Variants in ANK2 observed in about 807,000 individuals in gnomAD.
The protein encoded by ANK2 is ankyrin 2.
In ANK2, 83 loss-of-function variants were observed where a neutral mutation model predicts 360.5. The ratio of observed to expected loss-of-function variants is 0.23; its 90% confidence interval spans 0.19 to 0.28. ANK2 has a LOEUF of 0.28. ANK2 is among the 10% of genes least tolerant of loss of function. The pLI is 1.00. For synonymous variants in ANK2, 1,740 were observed against 1,759.5 expected (o/e 0.99, Z 0.28); for missense variants, 4,201 against 4,795.7 (o/e 0.88, Z 3.66).
intron 41 of ANK2, among the ~76,000 whole-genome samples, chr4:113,367,363 C>G (rs547285006): frequency 2.0e-5 from 3 of 152,024 alleles, no homozygotes; most frequent in Non-Finnish European, 4.4e-5. Flanking sequence ...TGGAATTGAC[C>G]GTTACTTGCG....
the ANK2 span, among the ~76,000 whole-genome samples, chr4:112,714,905 C>T: frequency 6.6e-6 from 1 of 152,298 alleles, no homozygotes; most frequent in Non-Finnish European, 1.5e-5. Flanking sequence ...TAGCTTTTAT[C>T]ACAAGGATAT....
At chr4:112,720,892 A>G in the ANK2 span, among the ~76,000 whole-genome samples, 7 of 152,352 alleles carry the variant, frequency 4.6e-5, no homozygotes, top group Admixed American at 1.3e-4. Flanking sequence ...GAGGACCATC[A>G]AGGGAATAAT....
intron 2 of ANK2, among the ~76,000 whole-genome samples, chr4:113,191,902 C>A (rs77611046): frequency 3.9e-5 from 6 of 152,160 alleles, no homozygotes; most frequent in Admixed American, 1.3e-4. Flanking sequence ...GCCACCGTCC[C>A]TCTCAGAACC....
intron 2 of ANK2, among the ~76,000 whole-genome samples, chr4:112,994,071 T>A (rs1361643513): frequency 6.6e-6 from 1 of 152,226 alleles, no homozygotes; most frequent in Non-Finnish European, 1.5e-5. Flanking sequence ...GTCTGGAACA[T>A]CTCACGTATT....
At chr4:113,361,050 C>G (rs1345291795) in intron 39 of ANK2, among the ~76,000 whole-genome samples, 153 bp downstream of exon 39, 3 of 152,174 alleles carry the variant, frequency 2.0e-5, no homozygotes. Flanking sequence ...GGCTCTGCAT[C>G]AGCTAATGGT....
At chr4:112,722,074 C>T in the ANK2 span, among the ~76,000 whole-genome samples, 2 of 152,172 alleles carry the variant, frequency 1.3e-5, no homozygotes, top group Non-Finnish European at 2.9e-5. Flanking sequence ...TTTGACTCTG[C>T]AGTCACATTA....
At chr4:113,146,704 A>AATATTTGGATTTTC (rs1414460415) in intron 1 of ANK2, among the ~76,000 whole-genome samples, 1 of 152,042 alleles carries the variant, frequency 6.6e-6, no homozygotes, top group Non-Finnish European at 1.5e-5. Context: ...GAATCTCTGA[A>AATATTTGGATTTTC]ATATTTGGAT....
chr4:113,137,286 A>T (rs934910690), intron 1 of ANK2, among the ~76,000 whole-genome samples: 2 of 152,242 alleles, frequency 1.3e-5, no homozygotes, highest in African/African-American at 4.8e-5. Flanking sequence ...ACAGTAATTC[A>T]GTCAAGAAAT....
intron 1 of ANK2, among the ~76,000 whole-genome samples, chr4:112,824,012 C>A (rs545776005): frequency 6.6e-6 from 1 of 152,098 alleles, no homozygotes; most frequent in African/African-American, 2.4e-5. Flanking sequence ...TTGATTAATG[C>A]CGATTTTTTT....
At chr4:113,329,779 G>A (rs532057839) in intron 26 of ANK2, among the ~76,000 whole-genome samples, 18 of 152,302 alleles carry the variant, frequency 1.2e-4, no homozygotes, top group African/African-American at 4.3e-4. Flanking sequence ...GATGATGTTG[G>A]AACAGGATGC....
intron 4 of ANK2, among the ~76,000 whole-genome samples, chr4:113,218,931 T>A (rs362486): frequency 6.6e-6 from 1 of 152,132 alleles, no homozygotes; most frequent in Non-Finnish European, 1.5e-5. Context: ...AATAATTACT[T>A]CAGGTTAATG....
chr4:112,827,032 A>T, intron 1 of ANK2: 1 of 1,382,458 alleles, frequency 7.2e-7, no homozygotes, highest in Non-Finnish European at 1.0e-6. Context: ...GGTAAAAAGC[A>T]TGACATTACA....
In ANK2 at chr4:113,341,917, G is replaced by A; in HGVS notation, c.4122+1G>A. On this transcript the variant is annotated splice_donor_variant, in intron 33 of 45. Coordinates refer to ENST00000357077, the MANE Select transcript of ANK2 (RefSeq NM_001148.6). LOFTEE classifies it high-confidence loss of function. ...GGTGGCCAGAAGCAGGGATGTGGAGGTACTGTACCAAAAATAATAATAATA... is the reference window on the plus strand; with the variant it reads ...GGTGGCCAGAAGCAGGGATGTGGAGATACTGTACCAAAAATAATAATAATA... 1 of 1,598,652 alleles carries A rather than the reference G, an allele frequency of 6.3e-7. No homozygotes were observed.
At chr4:112,900,787 C>T (rs1290209788) in intron 1 of ANK2, among the ~76,000 whole-genome samples, 2 of 152,166 alleles carry the variant, frequency 1.3e-5, no homozygotes, top group Non-Finnish European at 2.9e-5. Context: ...CTCCACCAAG[C>T]CCTTTAATGC....
At chr4:113,211,367 T>C (rs2099019055) in intron 4 of ANK2, among the ~76,000 whole-genome samples, 1 of 152,204 alleles carries the variant, frequency 6.6e-6, no homozygotes, top group Admixed American at 6.5e-5. Context: ...TGATTAATAA[T>C]CAAACAGCTT....
intron 14 of ANK2, among the ~76,000 whole-genome samples, chr4:113,270,094 T>G (rs1026894917): frequency 2.0e-5 from 3 of 152,248 alleles, no homozygotes; most frequent in Non-Finnish European, 2.9e-5. Flanking sequence ...CATTCAGCTA[T>G]TTGAAAAATA....
At chr4:112,869,528 C>G (rs1246393120) in intron 1 of ANK2, among the ~76,000 whole-genome samples, 1 of 152,188 alleles carries the variant, frequency 6.6e-6, no homozygotes, top group Non-Finnish European at 1.5e-5. Flanking sequence ...AGTGATCCAC[C>G]TGCCTTGGTC....
At chr4:113,180,363 T>G (rs1398783161) in intron 2 of ANK2, among the ~76,000 whole-genome samples, 1 of 152,216 alleles carries the variant, frequency 6.6e-6, no homozygotes, top group Admixed American at 6.5e-5. Context: ...AGTGAAATGT[T>G]TGCAAAATGC....
chr4:112,717,653 G>A, the ANK2 span, among the ~76,000 whole-genome samples: 2 of 152,116 alleles, frequency 1.3e-5, no homozygotes, highest in African/African-American at 2.4e-5. Context: ...ATACCACTGA[G>A]CTAAACATAA....
Sources: gnomAD v4.1 joint callset for allele counts (sites outside exome capture counted in the v4.1 genomes callset) on GRCh38, gnomAD v4.1.1 for gene constraint, MANE v1.5 for transcripts, NCBI Gene and HGNC (gene_info 2026-07-23, HGNC 2026-07-21) for gene names.